UGT2B28: variants seen among roughly 807,000 people sequenced by gnomAD.
UGT2B28 encodes the protein UDP glucuronosyltransferase family 2 member B28.
A neutral mutation model predicts 43.6 loss-of-function variants in UGT2B28; 45 were observed. That is an observed-to-expected ratio of 1.03 (90% CI 0.81 to 1.32). UGT2B28 has a LOEUF of 1.32. Ranked by LOEUF, UGT2B28 falls within the 40% of genes most tolerant of loss-of-function variation. UGT2B28 has a pLI of 0.00. For synonymous variants in UGT2B28, 204 were observed against 208.1 expected, an observed-to-expected ratio of 0.98 and a Z score of 0.17; for missense variants, 649 against 625.5, an observed-to-expected ratio of 1.04 and a Z score of -0.40.
Position 69,282,487 on chromosome 4 carries a change from A to T in UGT2B28, c.722-27A>T, listed in dbSNP as rs186226378. 1.2e-3 allele frequency: 1,836 copies of T among 1,531,124 alleles called. 393 individuals are homozygous for T. The African/African-American group carries it at 0.025, about 21-fold the overall frequency. The allele number at this position is 1,531,124 out of a possible 1,614,324, so 94.8% of individuals were successfully genotyped here. On this transcript the variant is annotated intron_variant, in intron 1 of 5. Coordinates refer to ENST00000335568, the MANE Select transcript of UGT2B28 (RefSeq NM_053039.2). ...GTAAAGTAATTATCTTACATCATCCACTTTTTCTTTTCTTTATTCCTGTCA... is the reference window on the plus strand; with the variant it reads ...GTAAAGTAATTATCTTACATCATCCTCTTTTTCTTTTCTTTATTCCTGTCA...
At position 69,290,698 on chromosome 4, in the gene UGT2B28, A is replaced by G; in HGVS notation, c.1197A>G (p.Gln399=). ...TAGGCATTCCATTGTTTTGGGATCA[A>G]CCTGATAACATTGCTCACATGAAGG... The part of the protein sequence containing the change: ...PMVGIPLFWD[Q]PDNIAHMKAK... The change falls in exon 5 of 6, where the codon CAA becomes CAG. Residue 399 remains glutamine, a synonymous_variant. Coordinates refer to ENST00000335568, the MANE Select transcript of UGT2B28 (RefSeq NM_053039.2). 1.3e-6 allele frequency: 2 copies of G among 1,559,624 alleles called. No individual in the cohort carries two copies.
rs1723599879 is a variant in UGT2B28 at position 69,281,224 on chromosome 4, A to C, written c.721+3A>C. 1.3e-6 allele frequency: 2 copies of C among 1,493,880 alleles called. 1 individual carries two copies. Among genetic ancestry groups the C allele is most frequent in the South Asian group, 2.8e-5 (2 of 70,176 alleles). 92.5% of individuals were successfully genotyped at this position (1,493,880 alleles called of 1,614,324 possible). On this transcript the variant is annotated splice_donor_region_variant and intron_variant, in intron 1 of 5. Coordinates refer to ENST00000335568, the MANE Select transcript of UGT2B28 (RefSeq NM_053039.2). ...TCAGTTTTACAGTGAAGTTTTAGGT[A>C]AGAATTTGTTTAATCGGGAACTTGA...
At chr4:69,285,246 T>A (rs759714825) in intron 2 of UGT2B28, among the ~76,000 whole-genome samples, 16 of 140,616 alleles carry the variant, frequency 1.1e-4, no homozygotes, top group Non-Finnish European at 2.3e-4. Flanking sequence ...AAAATACATA[T>A]TTTCTATAAA....
chr4:69,294,660 C>T lies in UGT2B28; in HGVS notation c.1441C>T (p.Arg481Cys), dbSNP rs377073161. Residue 481 changes from arginine to cysteine, a missense_variant, in exon 6 of 6, where the codon CGT becomes TGT. Physicochemically the swap from Arg to Cys is radical, Grantham distance 180. Transcript: ENST00000335568. ...KGAKHLRVAA[R>C]DLTWFQYHSL... ...AGCCAAACACCTTCGAGTTGCAGCC[C>T]GTGACCTCACCTGGTTCCAGTACCA... is the stretch of plus-strand genomic sequence containing the variant. 7.9e-5 allele frequency: 123 copies of T among 1,560,108 alleles called. 12 individuals carry two copies. In the East Asian group the frequency reaches 2.0e-3, roughly 26 times the overall value.
At position 69,293,013 on chromosome 4, in the gene UGT2B28, G is replaced by C. The variant is rs1473210455; in HGVS notation, c.1311-1517G>C. 2.9e-5 allele frequency among the ~76,000 whole-genome samples: 4 copies of C among 140,320 alleles called. 1 individual carries two copies. Among genetic ancestry groups the C allele is most frequent in the Non-Finnish European group, 3.0e-5 (2 of 65,674 alleles). 92.1% of individuals were successfully genotyped at this position (140,320 alleles called of 152,430 possible). A position where few individuals can be genotyped will look rare whatever the true frequency, so the allele number is the denominator to read the frequency against. ...ATGCTGTATAGCAGAGTGTTCATGA[G>C]AGAATTATCAACAGTGTTCAAAAAT... On this transcript the variant is annotated intron_variant, in intron 5 of 5. Coordinates refer to ENST00000335568, the MANE Select transcript of UGT2B28 (RefSeq NM_053039.2).
At position 69,290,046 on chromosome 4, in the gene UGT2B28, A is replaced by G. The variant is rs1023175893; in HGVS notation, c.1090+294A>G. On this transcript the variant is annotated intron_variant, in intron 4 of 5. Transcript: ENST00000335568. ...TGTCTCTCCGTCTCCTGTTTCTACA[A>G]CTTTACACCTGTTTTCTCCTCTCCT... is the stretch of plus-strand genomic sequence containing the variant. 4.3e-5 allele frequency among the ~76,000 whole-genome samples: 6 copies of G among 140,086 alleles called. 1 individual carries two copies. The highest frequency in any genetic ancestry group is 2.9e-4 in the Admixed American group (4 of 13,962). The allele number at this position is 140,086 out of a possible 152,430, so 91.9% of individuals were successfully genotyped here.
At chr4:69,284,246 C>A (rs1468716942) in intron 2 of UGT2B28, among the ~76,000 whole-genome samples, 1 of 139,116 alleles carries the variant, frequency 7.2e-6, no homozygotes, top group Non-Finnish European at 1.5e-5. Context: ...TGAATAGTGC[C>A]CTTAGTTTCA....
chr4:69,290,251 C>T (rs1325433410), intron 4 of UGT2B28, among the ~76,000 whole-genome samples: 1 of 140,052 alleles, frequency 7.1e-6, no homozygotes, highest in Admixed American at 7.2e-5. Context: ...CTGCCTTGCA[C>T]ACCCCACATA....
Position 69,290,576 on chromosome 4 carries a change from A to C in UGT2B28, c.1091-16A>C. ...TATTCCTATGAATAATTTTGCTAAA[A>C]TTCATCCAATCCTAGGTCTTCCAAA... On this transcript the variant is annotated splice_polypyrimidine_tract_variant and intron_variant, in intron 4 of 5. Coordinates refer to ENST00000335568, the MANE Select transcript of UGT2B28 (RefSeq NM_053039.2). 1 of 1,540,722 alleles carries C rather than the reference A, an allele frequency of 6.5e-7. No homozygotes were observed. Among genetic ancestry groups the C allele is most frequent in the Non-Finnish European group, 8.8e-7 (1 of 1,140,864 alleles).
At position 69,290,653 on chromosome 4, in the gene UGT2B28, C is replaced by T. The variant is rs535824020; in HGVS notation, c.1152C>T (p.Ile384=). Residue 384 remains isoleucine (I), a synonymous_variant, in exon 5 of 6, where the codon ATC becomes ATT. Coordinates refer to ENST00000335568, the MANE Select transcript of UGT2B28 (RefSeq NM_053039.2). ...HGGANGIYEA[I]YHGIPMVGIP... is the part of the protein sequence containing the mutation. ...GAGCCAATGGCATCTATGAGGCAAT[C>T]TACCATGGGATCCCTATGGTAGGCA... 9.0e-6 allele frequency: 14 copies of T among 1,559,454 alleles called. 3 individuals are homozygous for T. In the East Asian group the frequency reaches 3.2e-4, roughly 36 times the overall value.
intron 5 of UGT2B28, 116 bp downstream of exon 5, chr4:69,290,927 T>A: frequency 5.5e-6 from 7 of 1,277,908 alleles, no homozygotes; most frequent in Non-Finnish European, 5.1e-6. Flanking sequence ...TTTAAATGAT[T>A]TAACCAATCT....
Position 69,294,787 on chromosome 4 carries a change from G to T in UGT2B28, c.1568G>T (p.Gly523Val). The T allele has an allele frequency of 6.4e-7, 1 of 1,556,948 alleles. No homozygotes were observed. Among genetic ancestry groups the T allele is most frequent in the East Asian group, 2.3e-5 (1 of 43,436 alleles). The change falls in exon 6 of 6, where the codon GGG (glycine) becomes GTG (valine). Residue 523 changes from glycine (G) to valine (V), a missense_variant. Transcript: ENST00000335568. ...LFCFWKFARK[G>V]KKGKRD ...TGTTTCTGGAAGTTTGCTAGAAAAGGGAAGAAGGGAAAAAGAGATTAGTTA... is the reference window on the plus strand; with the variant it reads ...TGTTTCTGGAAGTTTGCTAGAAAAGTGAAGAAGGGAAAAAGAGATTAGTTA...
At chr4:69,284,541 G>T (rs1208913693) in intron 2 of UGT2B28, among the ~76,000 whole-genome samples, 3 of 139,946 alleles carry the variant, frequency 2.1e-5, no homozygotes, top group Non-Finnish European at 4.6e-5. Flanking sequence ...TGAAAAATCT[G>T]CGCCACTCTA....
Position 69,281,434 on chromosome 4 carries a change from C to G in UGT2B28, c.721+213C>G, listed in dbSNP as rs949639133. ...CCCTGTGGCCATCACTCATACAGAA[C>G]ACCCCAGGAAATCATAAACCTATAT... On this transcript the variant is annotated intron_variant, in intron 1 of 5. Transcript: ENST00000335568. Among the ~76,000 whole-genome samples, 3 of 140,424 alleles carry G rather than the reference C, an allele frequency of 2.1e-5. 1 individual carries two copies. Among genetic ancestry groups the G allele is most frequent in the Admixed American group, 1.4e-4 (2 of 14,042 alleles). 92.1% of individuals were successfully genotyped at this position (140,424 alleles called of 152,430 possible).
At chr4:69,288,755 A>C (rs1277969547) in intron 3 of UGT2B28, among the ~76,000 whole-genome samples, 2 of 138,188 alleles carry the variant, frequency 1.4e-5, no homozygotes, top group African/African-American at 2.9e-5. Context: ...ACCCTCCACC[A>C]TCCTATACAT....
chr4:69,290,133 A>T lies in UGT2B28; in HGVS notation c.1090+381A>T, dbSNP rs1723909418. On this transcript the variant is annotated intron_variant, in intron 4 of 5. Transcript: ENST00000335568. ...CTTCTATCACCAGTGACTCTGTATT[A>T]TCTGGAGGACTAAATTCCTAATCTT... 1.4e-5 allele frequency among the ~76,000 whole-genome samples: 2 copies of T among 139,912 alleles called. 1 individual carries two copies. The highest frequency in any genetic ancestry group is 1.4e-4 in the Admixed American group (2 of 13,982). 91.8% of individuals were successfully genotyped at this position (139,912 alleles called of 152,430 possible). A position where few individuals can be genotyped will look rare whatever the true frequency, so the allele number is the denominator to read the frequency against.
Position 69,294,912 on chromosome 4 carries a change from G to GA in UGT2B28, c.*104dup. On this transcript the variant is annotated 3_prime_UTR_variant, in exon 6 of 6. Transcript: ENST00000335568. The stretch of plus-strand genomic sequence containing the variant: ...TTATGCAAGATTTCTTTCTTCCTGT[G>GA]ACAAAAAAAAAAACTTTTCAAAATC... 11 of 1,279,772 alleles carry GA rather than the reference G, an allele frequency of 8.6e-6. No homozygotes were observed. Among genetic ancestry groups the GA allele is most frequent in the South Asian group, 7.3e-5 (3 of 41,378 alleles). 79.3% of individuals were successfully genotyped at this position (1,279,772 alleles called of 1,614,324 possible). A position where few individuals can be genotyped will look rare whatever the true frequency, so the allele number is the denominator to read the frequency against.
At position 69,289,752 on chromosome 4, in the gene UGT2B28, G is replaced by C. The variant is rs768091467; in HGVS notation, c.1090G>C (p.Gly364Arg). ...GTGGATACCCCAGAATGACCTTCTA[G>C]GTAACACTCTGGTGAACAAATACTG... Reference protein sequence around the residue: ...YKWIPQNDLLGLPKTRAFITH... With the variant: ...YKWIPQNDLLRLPKTRAFITH... Residue 364 changes from glycine (G) to arginine (R), a missense_variant and splice_region_variant, in exon 4 of 6, where the codon GGT (glycine) becomes CGT (arginine). Transcript: ENST00000335568. 9.1e-6 allele frequency: 14 copies of C among 1,546,724 alleles called. 4 individuals are homozygous for C. The highest frequency in any genetic ancestry group is 1.8e-4 in the Middle Eastern group (1 of 5,596).
At chr4:69,294,148 C>T (rs1285809862) in intron 5 of UGT2B28, among the ~76,000 whole-genome samples, 1 of 139,630 alleles carries the variant, frequency 7.2e-6, no homozygotes, top group East Asian at 2.1e-4. Flanking sequence ...GGATGAATAT[C>T]CTATTTTTCA....
Sources: allele counts gnomAD v4.1 joint callset (sites outside exome capture counted in the v4.1 genomes callset), GRCh38; gene constraint gnomAD v4.1.1; transcripts MANE v1.5; gene names NCBI Gene and HGNC (gene_info 2026-07-23, HGNC 2026-07-21).